Variants in PCDHA6 observed in about 807,000 individuals in gnomAD.
PCDHA6 encodes the protein protocadherin alpha-6.
A neutral mutation model predicts 60.3 loss-of-function variants in PCDHA6; 55 were observed. The ratio of observed to expected loss-of-function variants is 0.91; its 90% CI spans 0.73 to 1.14. The LOEUF (loss-of-function observed/expected upper bound fraction) is 1.14. PCDHA6 is among the 50% of genes most tolerant of loss of function. The pLI is 0.00. For missense variants in PCDHA6, 1,327 were observed against 1,256.5 expected, an observed-to-expected ratio of 1.06 and a Z score of -0.85; for synonymous variants, 652 against 557.9, an observed-to-expected ratio of 1.17 and a Z score of -2.38.
At chr5:140,843,814 G>A in intron 1 of PCDHA6, 1 of 1,259,886 alleles carries the variant, frequency 7.9e-7, no homozygotes, top group Non-Finnish European at 1.1e-6. Context: ...ATTTTATAGT[G>A]AAAATTTAAA....
At chr5:140,952,962 C>A (rs246032) in intron 1 of PCDHA6, among the ~76,000 whole-genome samples, 85,448 of 151,620 alleles carry the variant, frequency 0.56, 24,697 homozygotes, top group African/African-American at 0.69. Context: ...GGAAGTGATA[C>A]ACACTTTTAA....
chr5:140,882,182 G>GACT (rs1284192603), intron 1 of PCDHA6: 2 of 1,518,394 alleles, frequency 1.3e-6, no homozygotes, highest in African/African-American at 2.8e-5. Flanking sequence ...TCCGCACTAG[G>GACT]AAGCCATAAA....
chr5:140,938,086 TTTA>T (rs1189650554), intron 1 of PCDHA6, among the ~76,000 whole-genome samples: 6 of 152,142 alleles, frequency 3.9e-5, no homozygotes, highest in African/African-American at 1.4e-4. Flanking sequence ...TAATGTTAGT[TTTA>T]TTATTGTATT....
rs78358581 is a variant in PCDHA6 at position 140,924,264 on chromosome 5, T to G, written c.2395-54685T>G. 2.9e-3 allele frequency among the ~76,000 whole-genome samples: 442 copies of G among 152,342 alleles called. 1 individual carries two copies. Among genetic ancestry groups the G allele is most frequent in the African/African-American group, 0.01 (423 of 41,584 alleles). On this transcript the variant is annotated intron_variant, in intron 1 of 3. Coordinates refer to ENST00000529310, the MANE Select transcript of PCDHA6 (RefSeq NM_018909.4). Reference sequence around the variant, plus strand: ...TGCATCCTGGTGAGATCTAATGAGGTCTGTACTTGTGACTACCTAATAGGC... The same window carrying G: ...TGCATCCTGGTGAGATCTAATGAGGGCTGTACTTGTGACTACCTAATAGGC...
In PCDHA6 at chr5:140,923,435, G is replaced by A. The variant is rs186360462; in HGVS notation, c.2395-55514G>A. 5.3e-3 allele frequency among the ~76,000 whole-genome samples: 803 copies of A among 152,184 alleles called. 3 individuals are homozygous for A. Among genetic ancestry groups the A allele is most frequent in the Non-Finnish European group, 8.4e-3 (569 of 67,990 alleles). ...CCTGGCTACTTGGGAGGCTGGGGTG[G>A]GAGGATCACCTGAGCCCAGAGAGGT... On this transcript the variant is annotated intron_variant, in intron 1 of 3. Transcript: ENST00000529310.
chr5:140,986,625 C>T (rs1312536887), intron 3 of PCDHA6, among the ~76,000 whole-genome samples: 2 of 152,122 alleles, frequency 1.3e-5, no homozygotes, highest in African/African-American at 4.8e-5. Flanking sequence ...TTACCTAAGG[C>T]AACAGTACAT....
At chr5:140,904,091 C>A (rs536225769) in intron 1 of PCDHA6, among the ~76,000 whole-genome samples, 16 of 152,082 alleles carry the variant, frequency 1.1e-4, no homozygotes, top group Non-Finnish European at 1.8e-4. Flanking sequence ...ACATGAATAA[C>A]TACTTTAGTG....
rs976643195 is a variant in PCDHA6 at position 141,010,391 on chromosome 5, C to A, written c.*454C>A. On this transcript the variant is annotated 3_prime_UTR_variant, in exon 4 of 4. Transcript: ENST00000529310. ...TGCGAGTGCCAGATATTGGCTGAGACGAGCCAGCTTAGACTAATTGGTACA... is the reference window on the plus strand; with the variant it reads ...TGCGAGTGCCAGATATTGGCTGAGAAGAGCCAGCTTAGACTAATTGGTACA... The A allele has an allele frequency of 2.2e-6, 3 of 1,386,760 alleles. No homozygotes were observed. Among genetic ancestry groups the A allele is most frequent in the Non-Finnish European group, 2.9e-6 (3 of 1,041,298 alleles). The allele number at this position is 1,386,760 out of a possible 1,614,324, so 85.9% of individuals were successfully genotyped here.
chr5:140,882,283 G>A (rs1554173377), intron 1 of PCDHA6: 2 of 1,612,834 alleles, frequency 1.2e-6, no homozygotes, highest in South Asian at 1.1e-5. Flanking sequence ...TGTCTTCCTG[G>A]CAAGGAGGCC....
intron 2 of PCDHA6, among the ~76,000 whole-genome samples, chr5:140,981,175 T>C (rs1350828084): frequency 6.6e-6 from 1 of 152,238 alleles, no homozygotes; most frequent in African/African-American, 2.4e-5. Context: ...TTCCCTCTAA[T>C]AGTTCAAGTT....
rs2150357213 is a variant in PCDHA6 at position 140,843,314 on chromosome 5, G to T, written c.2394+12829G>T. 3.8e-6 allele frequency: 6 copies of T among 1,596,084 alleles called. 2 individuals carry two copies. Among genetic ancestry groups the T allele is most frequent in the Non-Finnish European group, 5.1e-6 (6 of 1,165,598 alleles). ...ACCTGCGCTGACCGCCACGGCCACG[G>T]TTCTGGTGTCGCTGGTGGAGAGCGG... is the stretch of plus-strand genomic sequence containing the variant. On this transcript the variant is annotated intron_variant, in intron 1 of 3. Transcript: ENST00000529310.
In PCDHA6 at chr5:141,011,816, A is replaced by G. The variant is rs1382441831; in HGVS notation, c.*1879A>G. The G allele has an allele frequency of 1.3e-5, 2 of 153,794 alleles. No homozygotes were observed. Among genetic ancestry groups the G allele is most frequent in the Admixed American group, 1.3e-4 (2 of 15,280 alleles). The allele number at this position is 153,794 out of a possible 1,614,324, so 9.5% of individuals were successfully genotyped here. On this transcript the variant is annotated 3_prime_UTR_variant, in exon 4 of 4. Transcript: ENST00000529310. ...TCTGAAATATCAGCTCATAGAAAGT[A>G]ACAAAATTTGCTGTCACCTTAAATA...
At position 140,927,553 on chromosome 5, in the gene PCDHA6, A is replaced by G. The variant is rs782577411; in HGVS notation, c.2395-51396A>G. 1.3e-5 allele frequency: 21 copies of G among 1,614,030 alleles called. No homozygotes were observed. The highest frequency in any genetic ancestry group is 9.3e-5 in the African/African-American group (7 of 74,932). ...CCGCTCAGGAGACGCACAAGTCACC[A>G]TCATTGTGGTGGACACAAATGACAA... On this transcript the variant is annotated intron_variant, in intron 1 of 3. Coordinates refer to ENST00000529310, the MANE Select transcript of PCDHA6 (RefSeq NM_018909.4).
intron 1 of PCDHA6, among the ~76,000 whole-genome samples, chr5:140,959,954 A>G (rs1054998147): frequency 6.6e-6 from 1 of 152,198 alleles, no homozygotes; most frequent in East Asian, 1.9e-4. Context: ...TATCATAGGT[A>G]GGAGGTAGAT....
intron 1 of PCDHA6, chr5:140,834,458 G>A: frequency 6.2e-7 from 1 of 1,614,178 alleles, no homozygotes; most frequent in Non-Finnish European, 8.5e-7. Context: ...CAGCTTGGGA[G>A]GCAGGGAGAG....
intron 1 of PCDHA6, chr5:140,843,517 C>CCGGG (rs2150361691): frequency 1.3e-6 from 2 of 1,595,932 alleles, no homozygotes; most frequent in African/African-American, 2.7e-5. Flanking sequence ...AGGGCGGGTG[C>CCGGG]CGGGCGGGCA....
intron 1 of PCDHA6, among the ~76,000 whole-genome samples, chr5:140,832,976 A>G (rs2150205611): frequency 1.2e-4 from 18 of 152,224 alleles, no homozygotes; most frequent in African/African-American, 4.3e-4. Flanking sequence ...AAATGTACCT[A>G]GAAATGAGGA....
At chr5:140,975,675 T>C (rs1047804393) in intron 1 of PCDHA6, among the ~76,000 whole-genome samples, 3 of 152,240 alleles carry the variant, frequency 2.0e-5, no homozygotes, top group Non-Finnish European at 2.9e-5. Context: ...AGTTTATTAA[T>C]AAAATAGGGT....
Position 141,010,780 on chromosome 5 carries a change from TGCAAAA to T in PCDHA6, c.*851_*856del, listed in dbSNP as rs1309288663. 1 of 153,816 alleles carries T rather than the reference TGCAAAA, an allele frequency of 6.5e-6. No homozygotes were observed. The highest frequency in any genetic ancestry group is 1.9e-4 in the East Asian group (1 of 5,188). The allele number at this position is 153,816 out of a possible 1,614,324, so 9.5% of individuals were successfully genotyped here. On this transcript the variant is annotated 3_prime_UTR_variant, in exon 4 of 4. Transcript: ENST00000529310. ...AGGCCAGATCCTTTTCCAATACTTATGCAAAAGCAAAAGAAAACCCCGACACCTCAC... is the reference window on the plus strand; with the variant it reads ...AGGCCAGATCCTTTTCCAATACTTATGCAAAAGAAAACCCCGACACCTCAC...
Sources: allele counts gnomAD v4.1 joint callset (sites outside exome capture counted in the v4.1 genomes callset), GRCh38; gene constraint gnomAD v4.1.1; transcripts MANE v1.5; gene names NCBI Gene and HGNC (gene_info 2026-07-23, HGNC 2026-07-21).